Variants in ETV5 observed in about 807,000 individuals in gnomAD.
The protein encoded by ETV5 is ETS variant transcription factor 5, also known as ETS translocation variant 5.
ETV5 carries 10 observed loss-of-function variants against 70.0 expected under a neutral mutation model. The ratio of observed to expected loss-of-function variants is 0.14; its 90% CI spans 0.09 to 0.24. The LOEUF (loss-of-function observed/expected upper bound fraction) is 0.24. Ranked by LOEUF, ETV5 falls within the 10% of genes least tolerant of loss-of-function variation. The pLI is 1.00. For missense variants in ETV5, 453 were observed against 651.2 expected, an observed-to-expected ratio of 0.70 and a Z score of 3.31; for synonymous variants, 216 against 242.2, an observed-to-expected ratio of 0.89 and a Z score of 1.01.
intron 7 of ETV5, among the ~76,000 whole-genome samples, chr3:186,073,401 T>C (rs757590170): frequency 6.6e-6 from 1 of 152,354 alleles, no homozygotes; most frequent in Middle Eastern, 3.4e-3. Flanking sequence ...GTGTGGTATC[T>C]ATTATCCTAT....
chr3:186,078,262 T>G (rs1373777832), intron 7 of ETV5: 1 of 966,458 alleles, frequency 1.0e-6, no homozygotes, highest in East Asian at 5.4e-5. Flanking sequence ...ATAAAGGAAT[T>G]TTCTTTTACA....
chr3:186,075,107 A>G (rs1051376638), intron 7 of ETV5, among the ~76,000 whole-genome samples: 4 of 152,234 alleles, frequency 2.6e-5, no homozygotes, highest in African/African-American at 9.6e-5. Flanking sequence ...AGAAGCCTAC[A>G]GTAAACATGA....
At chr3:186,067,871 T>C (rs1325478439) in intron 7 of ETV5, among the ~76,000 whole-genome samples, 1 of 151,518 alleles carries the variant, frequency 6.6e-6, no homozygotes, top group East Asian at 1.9e-4. Context: ...TGAGGAAAAA[T>C]CTCCACAGAT....
chr3:186,078,983 T>A, intron 7 of ETV5: 1 of 924,088 alleles, frequency 1.1e-6, no homozygotes, highest in Admixed American at 5.4e-5. Context: ...CGCCCCATTG[T>A]GGCCCCCACA....
intron 8 of ETV5, among the ~76,000 whole-genome samples, chr3:186,065,291 A>G (rs1713413556): frequency 6.6e-6 from 1 of 152,180 alleles, no homozygotes; most frequent in Admixed American, 6.5e-5. Context: ...TTAAAGGAAA[A>G]AATGTTGCTG....
chr3:186,079,121 C>T (rs759816382), intron 7 of ETV5: 36 of 1,060,668 alleles, frequency 3.4e-5, no homozygotes, highest in Non-Finnish European at 4.1e-5. Context: ...GCCCCCAGCA[C>T]ATCTTCTATA....
chr3:186,077,165 GT>G (rs1428732307), intron 7 of ETV5, among the ~76,000 whole-genome samples: 2 of 152,172 alleles, frequency 1.3e-5, no homozygotes, highest in African/African-American at 4.8e-5. Context: ...GCGGTTAAAA[GT>G]TTCAAATGAG....
rs1578554641 is a variant in ETV5 at position 186,085,078 on chromosome 3, G to A, written c.233-3903C>T. On this transcript the variant is annotated intron_variant, in intron 5 of 12. Transcript: ENST00000306376. ...TGAGAAAGCTATTAATGCTTCCATT[G>A]TCTTCATTTTACGAACACGAAAACA... Among the ~76,000 whole-genome samples, 8 of 151,882 alleles carry A rather than the reference G, an allele frequency of 5.3e-5. No individual in the cohort carries two copies. The South Asian group carries it at 1.7e-3, about 32-fold the overall frequency.
intron 5 of ETV5, among the ~76,000 whole-genome samples, chr3:186,104,523 T>C (rs1406361810): frequency 6.6e-6 from 1 of 152,198 alleles, no homozygotes; most frequent in African/African-American, 2.4e-5. Flanking sequence ...TGACAACATG[T>C]TGGATGAAGC....
intron 7 of ETV5, among the ~76,000 whole-genome samples, chr3:186,071,858 C>T (rs369974102): frequency 5.3e-5 from 8 of 151,644 alleles, no homozygotes; most frequent in African/African-American, 1.7e-4. Flanking sequence ...AGTTCAGTGG[C>T]GCGATCTCGG....
chr3:186,059,892 T>C (rs1713263241), intron 9 of ETV5, among the ~76,000 whole-genome samples: 1 of 152,244 alleles, frequency 6.6e-6, no homozygotes. Flanking sequence ...AAGAATATAA[T>C]GCTAACTTTT....
intron 9 of ETV5, among the ~76,000 whole-genome samples, chr3:186,059,864 C>T (rs1713262616): frequency 6.6e-6 from 1 of 152,116 alleles, no homozygotes; most frequent in South Asian, 2.1e-4. Context: ...GTTTTATAGT[C>T]TTCATTAAAA....
Position 186,105,370 on chromosome 3 carries a change from T to G in ETV5, c.182-15A>C, listed in dbSNP as rs1227048198. On this transcript the variant is annotated splice_polypyrimidine_tract_variant and intron_variant, in intron 4 of 12. Transcript: ENST00000306376. The surrounding 1 kb of genome is among the most constrained non-coding windows in gnomAD (Gnocchi z 4.5). ...AGGAACTTGTGCTGGAAAATAGATT[T>G]TTATTTTAGACCTTTAAGTTTTATT... 6.2e-7 allele frequency: 1 copy of G among 1,612,900 alleles called. No homozygotes were observed. The highest frequency in any genetic ancestry group is 8.5e-7 in the Non-Finnish European group (1 of 1,179,648).
Position 186,054,402 on chromosome 3 carries a change from C to T in ETV5, c.1210-2271G>A, listed in dbSNP as rs192670010. Among the ~76,000 whole-genome samples, 10 of 152,254 alleles carry T rather than the reference C, an allele frequency of 6.6e-5. No homozygotes were observed. In the East Asian group the frequency reaches 1.9e-3, roughly 29 times the overall value. The stretch of plus-strand genomic sequence containing the variant: ...GAGTGGCTCTTTCTAGCAGCCCATC[C>T]CTTCAAACCTCCCAGCAGCAGTTAT... On this transcript the variant is annotated intron_variant, in intron 11 of 12. Coordinates refer to ENST00000306376, the MANE Select transcript of ETV5 (RefSeq NM_004454.3). This position sits in a 1 kb window ranked among gnomAD's most constrained non-coding sequence, Gnocchi z 4.4.
chr3:186,106,100 G>GAA (rs1714581278), intron 1 of ETV5, among the ~76,000 whole-genome samples, 158 bp from the exon 2 acceptor site: 1 of 152,078 alleles, frequency 6.6e-6, no homozygotes, highest in South Asian at 2.1e-4. Flanking sequence ...CCAATGCCGG[G>GAA]CTTGATTAAT....
chr3:186,079,725 C>T (rs1477697898), intron 7 of ETV5, 92 bp downstream of exon 7: 7 of 1,379,818 alleles, frequency 5.1e-6, no homozygotes, highest in East Asian at 2.5e-5. Flanking sequence ...TTTTAGGAAC[C>T]TGGTAAATAA....
At chr3:186,079,702 T>C (rs1230575842) in intron 7 of ETV5, 115 bp downstream of exon 7, 5 of 1,106,528 alleles carry the variant, frequency 4.5e-6, no homozygotes, top group South Asian at 1.5e-5. Context: ...GCTGCCTCAA[T>C]GTAATGATAA....
At chr3:186,051,327 T>C (rs942361898) in intron 12 of ETV5, among the ~76,000 whole-genome samples, 3 of 152,258 alleles carry the variant, frequency 2.0e-5, no homozygotes, top group Non-Finnish European at 4.4e-5. Flanking sequence ...AATGCTAGTA[T>C]CTGGGCAACA....
At chr3:186,069,501 G>GTTT (rs370864275) in intron 7 of ETV5, among the ~76,000 whole-genome samples, 1 of 129,440 alleles carries the variant, frequency 7.7e-6, no homozygotes, top group Non-Finnish European at 1.7e-5. Flanking sequence ...AGACGAAGTT[G>GTTT]TTTTTTTTTT....
Sources: gnomAD v4.1 joint callset for allele counts (sites outside exome capture counted in the v4.1 genomes callset) on GRCh38, gnomAD v4.1.1 for gene constraint, Gnocchi (gnomAD v3.1) non-coding constraint, MANE v1.5 for transcripts, NCBI Gene and HGNC (gene_info 2026-07-23, HGNC 2026-07-21) for gene names.